The following LRPAP1 variants were observed in gnomAD, a reference collection of about 807,000 sequenced individuals.
LRPAP1 encodes alpha-2-macroglobulin receptor-associated protein.
Under a neutral mutation model 39.9 loss-of-function variants are expected in LRPAP1, and 41 were observed. The observed-to-expected ratio is 1.03, with a 90% confidence interval of 0.80 to 1.33. The LOEUF (loss-of-function observed/expected upper bound fraction) is 1.33. LRPAP1 is among the 40% of genes most tolerant of loss of function. The pLI is 0.00. For missense variants in LRPAP1, 565 were observed against 482.3 expected, an observed-to-expected ratio of 1.17 and a Z score of -1.61; for synonymous variants, 263 against 212.7, an observed-to-expected ratio of 1.24 and a Z score of -2.06.
intron 2 of LRPAP1, among the ~76,000 whole-genome samples, 194 bp from the exon 3 acceptor site, chr4:3,520,387 T>C (rs1218193053): frequency 2.6e-5 from 4 of 152,192 alleles, no homozygotes; most frequent in Non-Finnish European, 2.9e-5. Context: ...GTCTGTGGTC[T>C]CCCAGCACTT....
chr4:3,528,581 C>A (rs1033838005), intron 1 of LRPAP1, among the ~76,000 whole-genome samples: 3 of 152,242 alleles, frequency 2.0e-5, no homozygotes, highest in African/African-American at 7.2e-5. Context: ...CAATGGACCA[C>A]CTCTTCAGAG....
chr4:3,517,394 C>T (rs947942162), intron 5 of LRPAP1, among the ~76,000 whole-genome samples: 14 of 152,368 alleles, frequency 9.2e-5, no homozygotes, highest in Non-Finnish European at 1.6e-4. Flanking sequence ...GCTGTCTCCT[C>T]GAGCCTAGAG....
chr4:3,525,402 T>A (rs1730050903), intron 1 of LRPAP1, among the ~76,000 whole-genome samples: 3 of 152,280 alleles, frequency 2.0e-5, no homozygotes, highest in Admixed American at 6.5e-5. Context: ...AGATACCCAC[T>A]GCATTACCAT....
chr4:3,518,758 T>C (rs1227670860), intron 4 of LRPAP1, 113 bp downstream of exon 4: 3 of 702,994 alleles, frequency 4.3e-6, no homozygotes, highest in Non-Finnish European at 6.9e-6. Context: ...CCCTGCTGTG[T>C]TCCTGAGGGG....
At chr4:3,532,062 G>A (rs1730270953) in intron 1 of LRPAP1, 147 bp downstream of exon 1, 1 of 873,016 alleles carries the variant, frequency 1.1e-6, no homozygotes, top group Non-Finnish European at 1.7e-6. Context: ...TGACACTTGG[G>A]GGAGGCTGTG....
At chr4:3,530,405 G>A (rs1249344056) in intron 1 of LRPAP1, among the ~76,000 whole-genome samples, 1 of 152,208 alleles carries the variant, frequency 6.6e-6, no homozygotes, top group East Asian at 1.9e-4. Context: ...CTGGAATGGG[G>A]GAAGACACAC....
At chr4:3,519,299 C>T (rs1381596647) in intron 3 of LRPAP1, among the ~76,000 whole-genome samples, 4 of 152,220 alleles carry the variant, frequency 2.6e-5, no homozygotes, top group African/African-American at 4.8e-5. Context: ...TTGCCTGGCT[C>T]TCCCGGCTGC....
rs1729291902 is a variant in LRPAP1 at position 3,504,477 on chromosome 4, T to C, written c.*8497A>G. On this transcript the variant is annotated 3_prime_UTR_variant, in exon 8 of 8. Transcript: ENST00000650182. ...AAAAACAGAAAAATTAGGCCAGGCA[T>C]GGTGGCTCATGCCTACAATCCCAGC... The C allele has an allele frequency of 6.6e-6, 1 of 150,918 alleles. No individual in the cohort carries two copies. The highest frequency in any genetic ancestry group is 1.5e-5 in the Non-Finnish European group (1 of 67,802). The allele number at this position is 150,918 out of a possible 1,614,324, so 9.3% of individuals were successfully genotyped here.
chr4:3,529,387 T>G (rs1730177874), intron 1 of LRPAP1, among the ~76,000 whole-genome samples: 1 of 152,130 alleles, frequency 6.6e-6, no homozygotes, highest in African/African-American at 2.4e-5. Flanking sequence ...TCCGAGCTCA[T>G]GGCACCGTGC....
At position 3,503,715 on chromosome 4, in the gene LRPAP1, C is replaced by G. The variant is rs367732281; in HGVS notation, c.*9259G>C. 7 of 152,250 alleles carry G rather than the reference C, an allele frequency of 4.6e-5. No individual in the cohort carries two copies. The highest frequency in any genetic ancestry group is 1.7e-4 in the African/African-American group (7 of 41,454). 9.4% of individuals were successfully genotyped at this position (152,250 alleles called of 1,614,324 possible). On this transcript the variant is annotated 3_prime_UTR_variant, in exon 8 of 8. Transcript: ENST00000650182. ...GTGGTACGTTGAGGGAAACTTATAACCTCACGCGCTTGTTTCACAAAACAA... is the reference window on the plus strand; with the variant it reads ...GTGGTACGTTGAGGGAAACTTATAAGCTCACGCGCTTGTTTCACAAAACAA...
At chr4:3,518,389 C>T (rs1285404321) in intron 4 of LRPAP1, among the ~76,000 whole-genome samples, 197 bp from the exon 5 acceptor site, 1 of 152,066 alleles carries the variant, frequency 6.6e-6, no homozygotes, top group African/African-American at 2.4e-5. Flanking sequence ...ACAGGCGAGA[C>T]GCCGGGACAC....
intron 6 of LRPAP1, 58 bp from the exon 7 acceptor site, chr4:3,514,986 T>G (rs901963037): frequency 6.3e-7 from 1 of 1,579,952 alleles, no homozygotes; most frequent in African/African-American, 1.3e-5. Flanking sequence ...CGCCATCTTG[T>G]GGTCCCGGGT....
intron 2 of LRPAP1, among the ~76,000 whole-genome samples, chr4:3,523,264 G>A (rs1729973988): frequency 6.6e-6 from 1 of 152,196 alleles, no homozygotes. Flanking sequence ...TTCTTCCTGG[G>A]GGCACCTCCA....
rs573147658 is a variant in LRPAP1 at position 3,521,155 on chromosome 4, C to T, written c.350-962G>A. Among the ~76,000 whole-genome samples the T allele has an allele frequency of 1.1e-4, 17 of 152,290 alleles. 1 individual carries two copies. In the East Asian group the frequency reaches 1.7e-3, roughly 16 times the overall value. On this transcript the variant is annotated intron_variant, in intron 2 of 7. Transcript: ENST00000650182. ...CATGCAACCACACCCGCCTCCTTAG[C>T]GGGCGGTGGGCTTGCCTGCCCGCCC...
In LRPAP1 at chr4:3,517,788, G is replaced by A; in HGVS notation, c.751+246C>T. Reference sequence around the variant, plus strand: ...AGACGCTGGGAAGGGCTGCTCCCAGGCCCGCTGCCGCCACTGCCCTCTGCT... The same window carrying A: ...AGACGCTGGGAAGGGCTGCTCCCAGACCCGCTGCCGCCACTGCCCTCTGCT... On this transcript the variant is annotated intron_variant, in intron 5 of 7. Coordinates refer to ENST00000650182, the MANE Select transcript of LRPAP1 (RefSeq NM_002337.4). The A allele has an allele frequency of 1.4e-5, 6 of 444,164 alleles. No homozygotes were observed. In the South Asian group the frequency reaches 1.6e-4, roughly 12 times the overall value. 27.5% of individuals were successfully genotyped at this position (444,164 alleles called of 1,614,324 possible).
rs1729678356 is a variant in LRPAP1 at position 3,515,904 on chromosome 4, C to T, written c.834+212G>A. On this transcript the variant is annotated intron_variant, in intron 6 of 7. Transcript: ENST00000650182. ...AACACGGACAAAAGAACCAAAGCCC[C>T]TCCCTCCAGAGCCTGGCCCCGCCCC... The T allele has an allele frequency of 4.7e-5, 28 of 596,274 alleles. 1 individual carries two copies. The highest frequency in any genetic ancestry group is 4.6e-4 in the South Asian group (23 of 49,740). The allele number at this position is 596,274 out of a possible 1,614,324, so 36.9% of individuals were successfully genotyped here.
rs140565543 is a variant in LRPAP1 at position 3,514,753 on chromosome 4, G to A, written c.1010C>T (p.Thr337Met). The A allele has an allele frequency of 5.0e-4, 809 of 1,605,950 alleles. No homozygotes were observed. The highest frequency in any genetic ancestry group is 6.4e-4 in the Non-Finnish European group (752 of 1,177,816). The change falls in exon 7 of 8, where the codon ACG becomes ATG. Residue 337 changes from threonine to methionine, a missense_variant and splice_region_variant. Thr to Met is a moderately conservative substitution (Grantham distance 81). Coordinates refer to ENST00000650182, the MANE Select transcript of LRPAP1 (RefSeq NM_002337.4). Reference protein sequence around the residue: ...LEGRTKELGYTVKKHLQDLSG... With the variant: ...LEGRTKELGYMVKKHLQDLSG... ...CCCGGTCCTGGAACCCGTGCGCACC[G>A]TGTAGCCCAGCTCCTTGGTCCGCCC...
rs1729692398 is a variant in LRPAP1 at position 3,516,154 on chromosome 4, A to T, written c.796T>A (p.Ser266Thr). The change falls in exon 6 of 8, where the codon TCC becomes ACC. Residue 266 changes from serine to threonine, a missense_variant. Transcript: ENST00000650182. ...AGCTCCTTGTCCGTGAGGTTGGCGG[A>T]CTGCGCCAGGTCCCACAGGTCAATC... is the stretch of plus-strand genomic sequence containing the variant. ...RVIDLWDLAQ[S>T]ANLTDKELEA... The T allele has an allele frequency of 6.3e-7, 1 of 1,582,946 alleles. No homozygotes were observed. Among genetic ancestry groups the T allele is most frequent in the Non-Finnish European group, 8.6e-7 (1 of 1,165,078 alleles).
At position 3,518,021 on chromosome 4, in the gene LRPAP1, G is replaced by A; in HGVS notation, c.751+13C>T. On this transcript the variant is annotated intron_variant, in intron 5 of 7. Transcript: ENST00000650182. ...CCACCCTCGGGAACCAACAGTCCCG[G>A]GCGGGCACTCACCAGCCTCAGTGCT... 6.3e-7 allele frequency: 1 copy of A among 1,595,204 alleles called. No homozygotes were observed. The highest frequency in any genetic ancestry group is 8.5e-7 in the Non-Finnish European group (1 of 1,171,582).
Sources: gnomAD v4.1 joint callset for allele counts (sites outside exome capture counted in the v4.1 genomes callset) on GRCh38, gnomAD v4.1.1 for gene constraint, MANE v1.5 for transcripts, NCBI Gene and HGNC (gene_info 2026-07-23, HGNC 2026-07-21) for gene names.